ADAMTS2: variants seen among roughly 807,000 people sequenced by gnomAD.
The protein encoded by ADAMTS2 is ADAM metallopeptidase with thrombospondin type 1 motif 2, also known as A disintegrin and metalloproteinase with thrombospondin motifs 2.
Under a neutral mutation model 123.0 loss-of-function variants are expected in ADAMTS2, and 50 were observed. That is an observed-to-expected ratio of 0.41 (90% confidence interval 0.32 to 0.51). ADAMTS2 has a LOEUF of 0.51. Ranked by LOEUF, ADAMTS2 falls within the 20% of genes least tolerant of loss-of-function variation. The pLI is 0.35. For synonymous variants in ADAMTS2, 678 were observed against 695.4 expected (o/e 0.98, Z 0.39); for missense variants, 1,494 against 1,705.2 (o/e 0.88, Z 2.18).
chr5:179,131,655 G>A (rs532296295), intron 15 of ADAMTS2, among the ~76,000 whole-genome samples: 2 of 152,188 alleles, frequency 1.3e-5, no homozygotes, highest in African/African-American at 2.4e-5. Flanking sequence ...AGCCTCCCGC[G>A]TGGCCTGGGA....
intron 10 of ADAMTS2, among the ~76,000 whole-genome samples, chr5:179,143,695 C>T (rs1030023368): frequency 2.0e-5 from 3 of 152,042 alleles, no homozygotes; most frequent in African/African-American, 7.2e-5. Context: ...TCCCTGCTGA[C>T]GTGAGGACAA....
intron 2 of ADAMTS2, among the ~76,000 whole-genome samples, chr5:179,305,634 A>G (rs1756646737): frequency 6.6e-6 from 1 of 152,244 alleles, no homozygotes; most frequent in Admixed American, 6.5e-5. Context: ...AAATGATAAG[A>G]GTAAAAATCA....
intron 2 of ADAMTS2, among the ~76,000 whole-genome samples, chr5:179,287,441 A>C (rs7720939): frequency 0.01 from 1,531 of 152,290 alleles, 33 homozygotes; most frequent in African/African-American, 0.035. Context: ...GTCCAGCAGG[A>C]GCCCTGCTCC....
At chr5:179,142,291 C>T (rs1455886132) in intron 10 of ADAMTS2, among the ~76,000 whole-genome samples, 1 of 152,142 alleles carries the variant, frequency 6.6e-6, no homozygotes, top group Non-Finnish European at 1.5e-5. Context: ...CTGAAATGCT[C>T]GGAACCAGAA....
In ADAMTS2 at chr5:179,201,504, G is replaced by C. The variant is rs1011349676; in HGVS notation, c.891+6009C>G. Among the ~76,000 whole-genome samples, 39 of 151,998 alleles carry C rather than the reference G, an allele frequency of 2.6e-4. 1 individual carries two copies. The highest frequency in any genetic ancestry group is 8.9e-4 in the African/African-American group (37 of 41,366). On this transcript the variant is annotated intron_variant, in intron 4 of 21. Coordinates refer to ENST00000251582, the MANE Select transcript of ADAMTS2 (RefSeq NM_014244.5). ...GCTAATTTTACATAGCAAAAAAAATGTCCCGGCACGGTGGCTCACGCCTGT... is the reference window on the plus strand; with the variant it reads ...GCTAATTTTACATAGCAAAAAAAATCTCCCGGCACGGTGGCTCACGCCTGT...
At chr5:179,248,322 G>C (rs1001858233) in intron 3 of ADAMTS2, among the ~76,000 whole-genome samples, 2 of 151,938 alleles carry the variant, frequency 1.3e-5, no homozygotes, top group African/African-American at 4.8e-5. Context: ...GAGGAATTGA[G>C]GAATAAAGAA....
chr5:179,220,781 C>T (rs1765105695), intron 3 of ADAMTS2, among the ~76,000 whole-genome samples: 1 of 152,208 alleles, frequency 6.6e-6, no homozygotes, highest in Non-Finnish European at 1.5e-5. Flanking sequence ...CTCAGTTTCC[C>T]TTGTTGTGGC....
intron 2 of ADAMTS2, among the ~76,000 whole-genome samples, chr5:179,326,490 G>C (rs868154045): frequency 2.3e-3 from 255 of 109,242 alleles, no homozygotes; most frequent in Middle Eastern, 4.8e-3. Context: ...CCCCGGCCCC[G>C]CCCCCCACTC....
chr5:179,126,129 C>A lies in ADAMTS2; in HGVS notation c.2619G>T (p.Gly873=), dbSNP rs1762853045. Reference sequence around the variant, plus strand: ...GGCAGCCATACTTGGTGAACTGGGACCCTGAAGGCAGAGAGCTCGACGGGG... The same window carrying A: ...GGCAGCCATACTTGGTGAACTGGGAACCTGAAGGCAGAGAGCTCGACGGGG... ...WSPCSKPCGG[G]SQFTKYGCRR... is the part of the protein sequence containing the mutation. The change falls in exon 18 of 22, where the codon GGG becomes GGT. Residue 873 remains glycine (G), a splice_region_variant and synonymous_variant. Coordinates refer to ENST00000251582, the MANE Select transcript of ADAMTS2 (RefSeq NM_014244.5). The A allele has an allele frequency of 6.2e-7, 1 of 1,613,102 alleles. No homozygotes were observed. The highest frequency in any genetic ancestry group is 1.1e-5 in the South Asian group (1 of 91,094).
In ADAMTS2 at chr5:179,224,311, C is replaced by T. The variant is rs144232258; in HGVS notation, c.689-16596G>A. Among the ~76,000 whole-genome samples, 712 of 152,326 alleles carry T rather than the reference C, an allele frequency of 4.7e-3. 1 individual carries two copies. Among genetic ancestry groups the T allele is most frequent in the Non-Finnish European group, 7.9e-3 (538 of 68,036 alleles). ...CTGACATCCGTAGGCGCCATCCTGA[C>T]AACACGCTGCCGGCCGCAGGCCTCA... On this transcript the variant is annotated intron_variant, in intron 3 of 21. Transcript: ENST00000251582.
intron 3 of ADAMTS2, among the ~76,000 whole-genome samples, chr5:179,238,462 G>A (rs1361857132): frequency 6.6e-6 from 1 of 152,144 alleles, no homozygotes. Context: ...AGGGGCTGGA[G>A]GGCACAGGGT....
intron 3 of ADAMTS2, among the ~76,000 whole-genome samples, chr5:179,230,618 G>A (rs880974): frequency 0.21 from 31,518 of 152,214 alleles, 4,110 homozygotes; most frequent in East Asian, 0.6. Flanking sequence ...ACTGCACTGC[G>A]GTGTGTCTGC....
intron 2 of ADAMTS2, among the ~76,000 whole-genome samples, chr5:179,309,506 C>T (rs112343788): frequency 0.01 from 1,576 of 152,294 alleles, 24 homozygotes; most frequent in African/African-American, 0.035. Flanking sequence ...ACTGTAATCC[C>T]AGCACTTTGG....
intron 21 of ADAMTS2, among the ~76,000 whole-genome samples, chr5:179,116,810 T>G (rs1387372511): frequency 6.6e-6 from 1 of 151,734 alleles, no homozygotes; most frequent in Non-Finnish European, 1.5e-5. Flanking sequence ...GTGGCCAAAA[T>G]AAGGAGAACA....
intron 5 of ADAMTS2, among the ~76,000 whole-genome samples, chr5:179,178,388 G>A (rs1238206139): frequency 1.3e-5 from 2 of 152,206 alleles, no homozygotes; most frequent in Non-Finnish European, 2.9e-5. Flanking sequence ...AGGGCTCAGC[G>A]AGCCTCTCTC....
intron 4 of ADAMTS2, among the ~76,000 whole-genome samples, chr5:179,206,725 A>G (rs1222313400): frequency 6.6e-6 from 1 of 152,132 alleles, no homozygotes; most frequent in Non-Finnish European, 1.5e-5. Context: ...AGTGGCTCTG[A>G]CCACATGAGG....
rs1190668793 is a variant in ADAMTS2 at position 179,303,133 on chromosome 5, G to A, written c.535-30069C>T. 1.3e-5 allele frequency among the ~76,000 whole-genome samples: 2 copies of A among 152,156 alleles called. No homozygotes were observed. Among genetic ancestry groups the A allele is most frequent in the Admixed American group, 1.3e-4 (2 of 15,280 alleles). On this transcript the variant is annotated intron_variant, in intron 2 of 21. Transcript: ENST00000251582. The surrounding 1 kb of genome is among the most constrained non-coding windows in gnomAD (Gnocchi z 4.7). ...AGGGTGGAAGAGACCTGATTCCCCT[G>A]TCAGTTGCTCTGGGCATGTTGTGAG...
At chr5:179,300,794 G>T (rs1756493885) in intron 2 of ADAMTS2, among the ~76,000 whole-genome samples, 1 of 152,216 alleles carries the variant, frequency 6.6e-6, no homozygotes, top group South Asian at 2.1e-4. Flanking sequence ...TTTTATTTAA[G>T]AGTCTTCATA....
At chr5:179,194,377 C>G (rs1764372557) in intron 4 of ADAMTS2, among the ~76,000 whole-genome samples, 1 of 152,230 alleles carries the variant, frequency 6.6e-6, no homozygotes, top group Non-Finnish European at 1.5e-5. Context: ...ACATCCCCAG[C>G]ACCTAGGGCT....
Sources: allele counts gnomAD v4.1 joint callset (sites outside exome capture counted in the v4.1 genomes callset), GRCh38; gene constraint gnomAD v4.1.1; non-coding constraint Gnocchi (gnomAD v3.1); transcripts MANE v1.5; gene names NCBI Gene and HGNC (gene_info 2026-07-23, HGNC 2026-07-21).